The following DNAH2 variants were observed in gnomAD, a reference collection of about 807,000 sequenced individuals.
DNAH2 encodes axonemal beta dynein heavy chain 2.
In DNAH2, 323 loss-of-function variants were observed where a neutral mutation model predicts 523.5. The observed-to-expected ratio is 0.62, with a 90% CI of 0.56 to 0.68. DNAH2 has a LOEUF of 0.68. Among genes scored for constraint, DNAH2 ranks in the 30% least tolerant of loss-of-function variants. The probability of loss-of-function intolerance (pLI) is 0.00; values close to 1 mark genes in which losing one functional copy is unlikely to be tolerated. For synonymous variants in DNAH2, 2,093 were observed against 2,177.4 expected (o/e 0.96, Z 1.08); for missense variants, 4,907 against 5,701.5 (o/e 0.86, Z 4.49).
intron 39 of DNAH2, among the ~76,000 whole-genome samples, chr17:7,784,772 G>T (rs573372005): frequency 6.6e-6 from 1 of 152,166 alleles, no homozygotes; most frequent in Non-Finnish European, 1.5e-5. Flanking sequence ...TAAAGGTGAA[G>T]AGTGACATTT....
Position 7,780,734 on chromosome 17 carries a change from C to G in DNAH2, c.5955C>G (p.Arg1985=). The G allele has an allele frequency of 6.2e-7, 1 of 1,614,274 alleles. No homozygotes were observed. The highest frequency in any genetic ancestry group is 8.5e-7 in the Non-Finnish European group (1 of 1,180,050). The part of the protein sequence containing the change: ...FGLRALTSLL[R]YAGKKRRLQP... ...TGCGTGCCCTCACCTCCCTTCTGCG[C>G]TATGCTGGCAAGAAGCGCCGCCTAC... Residue 1985 remains arginine (R), a synonymous_variant, in exon 38 of 86, where the codon CGC becomes CGG. Coordinates refer to ENST00000572933, the MANE Select transcript of DNAH2 (RefSeq NM_020877.5). This position sits in a 1 kb window ranked among gnomAD's most constrained non-coding sequence, Gnocchi z 4.4.
In DNAH2 at chr17:7,796,580, C is replaced by T. The variant is rs898556638; in HGVS notation, c.7791C>T (p.Asn2597=). The change falls in exon 50 of 86, where the codon AAC becomes AAT. Residue 2597 remains asparagine, a synonymous_variant. Coordinates refer to ENST00000572933, the MANE Select transcript of DNAH2 (RefSeq NM_020877.5). ...VVTEATLDMY[N]TVVQRFLPTP... is the part of the protein sequence containing the mutation. ...CAGAGGCCACCCTGGACATGTACAACACCGTGGTACAGCGCTTCCTGCCCA... is the reference window on the plus strand; with the variant it reads ...CAGAGGCCACCCTGGACATGTACAATACCGTGGTACAGCGCTTCCTGCCCA... 7 of 1,613,652 alleles carry T rather than the reference C, an allele frequency of 4.3e-6. No homozygotes were observed. The highest frequency in any genetic ancestry group is 5.9e-6 in the Non-Finnish European group (7 of 1,179,956).
rs1216926443 is a variant in DNAH2 at position 7,823,982 on chromosome 17, G to A, written c.11478G>A (p.Ser3826=). The A allele has an allele frequency of 1.7e-5, 27 of 1,611,542 alleles. No homozygotes were observed. Among genetic ancestry groups the A allele is most frequent in the Admixed American group, 3.3e-5 (2 of 59,946 alleles). Residue 3826 remains serine, a splice_region_variant and synonymous_variant, in exon 75 of 86, where the codon TCG becomes TCA. Coordinates refer to ENST00000572933, the MANE Select transcript of DNAH2 (RefSeq NM_020877.5). Reference sequence around the variant, plus strand: ...AGCCGCCTGTGCTGAATATGAAGTCGGTCGGTGGCTCGGCTTCCTTGTCCC... The same window carrying A: ...AGCCGCCTGTGCTGAATATGAAGTCAGTCGGTGGCTCGGCTTCCTTGTCCC... ...FIEPPVLNMK[S]VLEDSTPRSP...
At chr17:7,726,571 G>C (rs977939993) in intron 3 of DNAH2, among the ~76,000 whole-genome samples, 3 of 152,104 alleles carry the variant, frequency 2.0e-5, no homozygotes, top group African/African-American at 7.2e-5. Flanking sequence ...CCAAAGTGCT[G>C]GGATTATAGA....
chr17:7,819,006 G>T lies in DNAH2; in HGVS notation c.10758G>T (p.Val3586=), dbSNP rs963864052. 25 of 1,610,588 alleles carry T rather than the reference G, an allele frequency of 1.6e-5. No individual in the cohort carries two copies. Among genetic ancestry groups the T allele is most frequent in the Middle Eastern group, 1.7e-4 (1 of 6,022 alleles). The part of the protein sequence containing the change: ...LHTSKITATE[V]TEQLETSETT... ...CCTCCAAGATCACAGCCACAGAGGT[G>T]ACTGAGCAGCTGGAGACCAGTGAGA... Residue 3586 remains valine, a synonymous_variant, in exon 71 of 86, where the codon GTG becomes GTT. Coordinates refer to ENST00000572933, the MANE Select transcript of DNAH2 (RefSeq NM_020877.5).
intron 18 of DNAH2, among the ~76,000 whole-genome samples, chr17:7,762,182 C>T (rs912432388): frequency 3.9e-5 from 6 of 152,020 alleles, no homozygotes; most frequent in African/African-American, 1.4e-4. Context: ...GCCCTGTGCT[C>T]GTGTACTGTG....
chr17:7,754,938 C>T lies in DNAH2; in HGVS notation c.1905-2153C>T, dbSNP rs1395519543. On this transcript the variant is annotated intron_variant, in intron 12 of 85. Transcript: ENST00000572933. The surrounding 1 kb of genome is among the most constrained non-coding windows in gnomAD (Gnocchi z 4.6). ...TCTGCATGGGGCTGGGGTCCTCCTG[C>T]GCTATTGGTACAAATAAGCCTGAGG... The T allele has an allele frequency of 1.5e-5, 7 of 455,626 alleles. No homozygotes were observed. Among genetic ancestry groups the T allele is most frequent in the African/African-American group, 6.0e-5 (3 of 50,356 alleles). 28.2% of individuals were successfully genotyped at this position (455,626 alleles called of 1,614,324 possible).
chr17:7,765,489 C>A lies in DNAH2; in HGVS notation c.3435C>A (p.Phe1145Leu). The change falls in exon 21 of 86, where the codon TTC becomes TTA. Residue 1145 changes from phenylalanine (F) to leucine (L), a missense_variant. Physicochemically the swap from Phe to Leu is conservative, Grantham distance 22. This residue lies in a region of DNAH2 where 2,806 missense variants were observed against 3,190.8 expected (regional missense o/e 0.88). Transcript: ENST00000572933. ...KQMLKKHKEK[F>L]KTGLIHSADD... Reference sequence around the variant, plus strand: ...TGCTGAAGAAACACAAGGAGAAATTCAAGACAGGCCTGATCCACTCGGCAG... The same window carrying A: ...TGCTGAAGAAACACAAGGAGAAATTAAAGACAGGCCTGATCCACTCGGCAG... The A allele has an allele frequency of 1.2e-6, 2 of 1,614,238 alleles. No individual in the cohort carries two copies. The highest frequency in any genetic ancestry group is 1.7e-6 in the Non-Finnish European group (2 of 1,180,050).
Position 7,754,749 on chromosome 17 carries a change from A to G in DNAH2, c.1905-2342A>G. 1.0e-6 allele frequency: 1 copy of G among 986,512 alleles called. No individual in the cohort carries two copies. Among genetic ancestry groups the G allele is most frequent in the Non-Finnish European group, 1.6e-6 (1 of 629,208 alleles). 61.1% of individuals were successfully genotyped at this position (986,512 alleles called of 1,614,324 possible). On this transcript the variant is annotated intron_variant, in intron 12 of 85. Transcript: ENST00000572933. The surrounding 1 kb of genome is among the most constrained non-coding windows in gnomAD (Gnocchi z 4.6). ...CAAGGGGCTCAGGCTGTGCCGGCCC[A>G]AGGCCAAGGCCAAGGATCAAACCAA... is the stretch of plus-strand genomic sequence containing the variant.
chr17:7,789,927 G>A (rs372081810), intron 44 of DNAH2, among the ~76,000 whole-genome samples: 2 of 152,124 alleles, frequency 1.3e-5, no homozygotes, highest in Non-Finnish European at 1.5e-5. Flanking sequence ...TGGATTGGAC[G>A]CACCAAGTGT....
At chr17:7,771,610 G>A (rs977524869) in intron 28 of DNAH2, 142 bp downstream of exon 28, 2 of 908,438 alleles carry the variant, frequency 2.2e-6, no homozygotes, top group Admixed American at 3.0e-5. Flanking sequence ...CTAAGCATTA[G>A]ATCATAATTC....
In DNAH2 at chr17:7,821,422, A is replaced by G; in HGVS notation, c.11142+53A>G. ...GATGGGATGGTCAAGGTTGGGGATG[A>G]GGGCAAGTGTGACAAGGACTCCAGA... On this transcript the variant is annotated intron_variant, in intron 73 of 85. Transcript: ENST00000572933. This position sits in a 1 kb window ranked among gnomAD's most constrained non-coding sequence, Gnocchi z 5.0. The G allele has an allele frequency of 6.3e-6, 10 of 1,575,626 alleles. No homozygotes were observed. The highest frequency in any genetic ancestry group is 7.8e-6 in the Non-Finnish European group (9 of 1,157,856).
chr17:7,727,417 G>GCACC (rs2074851478), intron 4 of DNAH2, 125 bp downstream of exon 4: 1 of 1,279,604 alleles, frequency 7.8e-7, no homozygotes, highest in Non-Finnish European at 1.1e-6. Flanking sequence ...ACTGTGTCAG[G>GCACC]CACCCTACTT....
intron 49 of DNAH2, among the ~76,000 whole-genome samples, chr17:7,795,859 G>A (rs546099804): frequency 1.4e-5 from 2 of 147,654 alleles, no homozygotes; most frequent in Non-Finnish European, 3.0e-5. Flanking sequence ...TTAGCTGGGC[G>A]TGGTGGTGGA....
At position 7,759,784 on chromosome 17, in the gene DNAH2, C is replaced by T; in HGVS notation, c.2638-7C>T. On this transcript the variant is annotated splice_region_variant and splice_polypyrimidine_tract_variant and intron_variant, in intron 16 of 85. Coordinates refer to ENST00000572933, the MANE Select transcript of DNAH2 (RefSeq NM_020877.5). ...TTTTCTCTCCATCTCCACTGGGTTC[C>T]TCACAGGTGGAATTCTCACCCACTC... is the stretch of plus-strand genomic sequence containing the variant. 1 of 1,614,124 alleles carries T rather than the reference C, an allele frequency of 6.2e-7. No homozygotes were observed. The highest frequency in any genetic ancestry group is 8.5e-7 in the Non-Finnish European group (1 of 1,179,976).
At position 7,828,284 on chromosome 17, in the gene DNAH2, T is replaced by G. The variant is rs1183698963; in HGVS notation, c.11854-2016T>G. Among the ~76,000 whole-genome samples the G allele has an allele frequency of 6.6e-6, 1 of 152,170 alleles. No homozygotes were observed. The highest frequency in any genetic ancestry group is 2.4e-5 in the African/African-American group (1 of 41,372). Reference sequence around the variant, plus strand: ...TTCTTGATGGCTGGTAAGGCACATCTTCTTACCTTATTCTTCTTCAGGCTA... The same window carrying G: ...TTCTTGATGGCTGGTAAGGCACATCGTCTTACCTTATTCTTCTTCAGGCTA... On this transcript the variant is annotated intron_variant, in intron 77 of 85. Transcript: ENST00000572933. This position sits in a 1 kb window ranked among gnomAD's most constrained non-coding sequence, Gnocchi z 4.1.
In DNAH2 at chr17:7,764,109, G is replaced by C. The variant is rs765899599; in HGVS notation, c.3180-8G>C. 2.5e-6 allele frequency: 4 copies of C among 1,614,178 alleles called. No homozygotes were observed. In the South Asian group the frequency reaches 3.3e-5, roughly 13 times the overall value. On this transcript the variant is annotated splice_polypyrimidine_tract_variant and splice_region_variant and intron_variant, in intron 19 of 85. Coordinates refer to ENST00000572933, the MANE Select transcript of DNAH2 (RefSeq NM_020877.5). ...CCACTCACTAGCACTCCCTTTGCCC[G>C]CCTTCAGAATCAGCCGCCCTCCGCA...
chr17:7,798,759 C>T lies in DNAH2; in HGVS notation c.8559+41C>T, dbSNP rs1442829703. 2 of 1,589,570 alleles carry T rather than the reference C, an allele frequency of 1.3e-6. No homozygotes were observed. Among genetic ancestry groups the T allele is most frequent in the East Asian group, 2.2e-5 (1 of 44,572 alleles). ...CACCCTTGACCAGTCAGTTCTTTGGCCTGCCTAGCTGACCCCAGAAGGACC... is the reference window on the plus strand; with the variant it reads ...CACCCTTGACCAGTCAGTTCTTTGGTCTGCCTAGCTGACCCCAGAAGGACC... On this transcript the variant is annotated intron_variant, in intron 55 of 85. Transcript: ENST00000572933. The surrounding 1 kb of genome is among the most constrained non-coding windows in gnomAD (Gnocchi z 5.5).
rs113315953 is a variant in DNAH2 at position 7,798,147 on chromosome 17, C to G, written c.8231-10C>G. 8 of 1,581,028 alleles carry G rather than the reference C, an allele frequency of 5.1e-6. No homozygotes were observed. Among genetic ancestry groups the G allele is most frequent in the East Asian group, 2.3e-5 (1 of 44,196 alleles). On this transcript the variant is annotated splice_polypyrimidine_tract_variant and intron_variant, in intron 53 of 85. Transcript: ENST00000572933. The surrounding 1 kb of genome is among the most constrained non-coding windows in gnomAD (Gnocchi z 5.5). ...CCAACTCATTACCCTCACACCCACC[C>G]CACCCCCAGTCACACGGATCGTGCG...
Sources: gnomAD v4.1 joint callset for allele counts (sites outside exome capture counted in the v4.1 genomes callset) on GRCh38, gnomAD v4.1.1 for gene constraint, gnomAD v4.1.1 regional missense constraint, Gnocchi (gnomAD v3.1) non-coding constraint, MANE v1.5 for transcripts, NCBI Gene and HGNC (gene_info 2026-07-23, HGNC 2026-07-21) for gene names.